PARVA: variants seen among roughly 807,000 people sequenced by gnomAD.
The protein encoded by PARVA is parvin alpha.
In PARVA, 25 loss-of-function variants were observed where a neutral mutation model predicts 52.6. The observed-to-expected ratio is 0.48, with a 90% CI of 0.35 to 0.66. The LOEUF is 0.66. Ranked by LOEUF, PARVA falls within the 30% of genes least tolerant of loss-of-function variation. The pLI is 0.01. For missense variants in PARVA, 373 were observed against 450.9 expected (o/e 0.83, Z 1.56); for synonymous variants, 185 against 179.1 (o/e 1.03, Z -0.26).
intron 4 of PARVA, among the ~76,000 whole-genome samples, chr11:12,482,825 T>G (rs931354273): frequency 6.6e-6 from 1 of 152,212 alleles, no homozygotes; most frequent in Non-Finnish European, 1.5e-5. Flanking sequence ...GATTCAGTTA[T>G]GTCCACCTGG....
chr11:12,377,619 G>A lies in PARVA; in HGVS notation c.-29G>A, dbSNP rs376147149. The stretch of plus-strand genomic sequence containing the variant: ...CCGCCCAGCGCCAGCTCCGCGTCCC[G>A]ACCGGCCCGCGGCAGCCTGCGCCGC... On this transcript the variant is annotated 5_prime_UTR_variant, in exon 1 of 13. Transcript: ENST00000334956. 2 of 1,559,286 alleles carry A rather than the reference G, an allele frequency of 1.3e-6. No homozygotes were observed. Among genetic ancestry groups the A allele is most frequent in the Non-Finnish European group, 1.7e-6 (2 of 1,159,024 alleles).
At chr11:12,449,138 A>G (rs1940588283) in intron 1 of PARVA, among the ~76,000 whole-genome samples, 2 of 151,724 alleles carry the variant, frequency 1.3e-5, no homozygotes, top group South Asian at 4.2e-4. Context: ...TTATTTATTT[A>G]TTTATTTATT....
chr11:12,518,432 T>C lies in PARVA; in HGVS notation c.970-13T>C, dbSNP rs1564869530. ...TGTGCAATGGTACATGCTGTCTGCA[T>C]CTCTCTTGCCAGGTCTTGAATGTCT... On this transcript the variant is annotated splice_polypyrimidine_tract_variant and intron_variant, in intron 11 of 12. Transcript: ENST00000334956. The C allele has an allele frequency of 6.2e-7, 1 of 1,610,942 alleles. No individual in the cohort carries two copies.
rs73413914 is a variant in PARVA, at chr11:12,517,764, T to G, written c.969+53T>G. Reference sequence around the variant, plus strand: ...CCCCTAGCCCACATCCCCTGACTCATGTGCCCACACCCATGCTGGGGCTAT... The same window carrying G: ...CCCCTAGCCCACATCCCCTGACTCAGGTGCCCACACCCATGCTGGGGCTAT... On this transcript the variant is annotated intron_variant, in intron 11 of 12. Transcript: ENST00000334956. 2,597 of 1,252,610 alleles carry G rather than the reference T, an allele frequency of 2.1e-3. 39 individuals carry two copies. In the African/African-American group the frequency reaches 0.033, roughly 16 times the overall value. The allele number at this position is 1,252,610 out of a possible 1,614,324, so 77.6% of individuals were successfully genotyped here.
chr11:12,490,823 C>T lies in PARVA; in HGVS notation c.401-5635C>T, dbSNP rs116254933. Among the ~76,000 whole-genome samples the T allele has an allele frequency of 7.4e-3, 1,121 of 152,170 alleles. 12 individuals are homozygous for T. The highest frequency in any genetic ancestry group is 0.026 in the African/African-American group (1,077 of 41,532). On this transcript the variant is annotated intron_variant, in intron 4 of 12. Coordinates refer to ENST00000334956, the MANE Select transcript of PARVA (RefSeq NM_018222.5). ...TCAGGAATTATGTAATTGGAGTCAACGCGTGCTGAGGTCTTTGTATTGTTT... is the reference window on the plus strand; with the variant it reads ...TCAGGAATTATGTAATTGGAGTCAATGCGTGCTGAGGTCTTTGTATTGTTT...
rs1939417385 is a variant in PARVA at position 12,377,723 on chromosome 11, G to A, written c.76G>A (p.Asp26Asn). ...CAAGTCGCCCCCGTCCCGCAAGAAA[G>A]ATGATTCCTTCTTGGGGAAACTCGG... The part of the protein sequence containing the change: ...TPKSPPSRKK[D>N]DSFLGKLGGT... Residue 26 changes from aspartate to asparagine, a missense_variant, in exon 1 of 13, where the codon GAT becomes AAT. Coordinates refer to ENST00000334956, the MANE Select transcript of PARVA (RefSeq NM_018222.5). 9 of 1,566,202 alleles carry A rather than the reference G, an allele frequency of 5.7e-6. No homozygotes were observed. Among genetic ancestry groups the A allele is most frequent in the Non-Finnish European group, 6.9e-6 (8 of 1,160,922 alleles).
intron 1 of PARVA, among the ~76,000 whole-genome samples, chr11:12,441,141 C>T (rs1940460548): frequency 6.6e-6 from 1 of 152,150 alleles, no homozygotes. Context: ...AGTAATGGCC[C>T]ATAATCCACA....
rs145586060 is a variant in PARVA, at chr11:12,451,699, G to A, written c.137-22046G>A. ...TCTTTTACATACTCTAATGCATTAG[G>A]CAGTAGGTATGATAAATTCATTTAC... is the stretch of plus-strand genomic sequence containing the variant. On this transcript the variant is annotated intron_variant, in intron 1 of 12. Coordinates refer to ENST00000334956, the MANE Select transcript of PARVA (RefSeq NM_018222.5). Among the ~76,000 whole-genome samples the A allele has an allele frequency of 2.9e-3, 439 of 152,204 alleles. 3 individuals are homozygous for A. The highest frequency in any genetic ancestry group is 0.014 in the Middle Eastern group (4 of 294).
intron 5 of PARVA, among the ~76,000 whole-genome samples, chr11:12,501,186 C>G (rs1476459264): frequency 6.7e-6 from 1 of 148,778 alleles, no homozygotes; most frequent in African/African-American, 2.4e-5. Flanking sequence ...ATGTTGGCCA[C>G]AAGCACATGT....
chr11:12,466,752 T>A (rs1352652429), intron 1 of PARVA, among the ~76,000 whole-genome samples: 1 of 152,194 alleles, frequency 6.6e-6, no homozygotes, highest in Non-Finnish European at 1.5e-5. Context: ...GTATTGTGTT[T>A]TAACTTAGGT....
intron 1 of PARVA, among the ~76,000 whole-genome samples, chr11:12,454,573 A>AT (rs1940670325): frequency 7.4e-6 from 1 of 135,494 alleles, no homozygotes; most frequent in African/African-American, 3.0e-5. Flanking sequence ...CTAAAGTATC[A>AT]TTTAAAAAAA....
chr11:12,518,702 A>C (rs1186051850), intron 12 of PARVA, among the ~76,000 whole-genome samples, 185 bp downstream of exon 12: 2 of 152,156 alleles, frequency 1.3e-5, no homozygotes, highest in African/African-American at 4.8e-5. Context: ...CCAGGGGAAG[A>C]AAAGAATCTG....
At chr11:12,483,592 C>T (rs532502962) in intron 4 of PARVA, among the ~76,000 whole-genome samples, 1 of 152,318 alleles carries the variant, frequency 6.6e-6, no homozygotes, top group South Asian at 2.1e-4. Context: ...AGGCTGTGCT[C>T]CTGTGGTGAC....
At position 12,529,927 on chromosome 11, in the gene PARVA, A is replaced by T. The variant is rs547996189; in HGVS notation, c.*2002A>T. The stretch of plus-strand genomic sequence containing the variant: ...TAGTGTAATATTTCTTTTGCTTTTA[A>T]AAAAATTCCTGGTAGCAAATCAAGA... On this transcript the variant is annotated 3_prime_UTR_variant, in exon 13 of 13. Coordinates refer to ENST00000334956, the MANE Select transcript of PARVA (RefSeq NM_018222.5). The T allele has an allele frequency of 2.6e-5, 4 of 151,986 alleles. No homozygotes were observed. The highest frequency in any genetic ancestry group is 9.7e-5 in the African/African-American group (4 of 41,254). 9.4% of individuals were successfully genotyped at this position (151,986 alleles called of 1,614,324 possible).
At chr11:12,449,090 C>T (rs1940586959) in intron 1 of PARVA, among the ~76,000 whole-genome samples, 1 of 151,982 alleles carries the variant, frequency 6.6e-6, no homozygotes, top group Non-Finnish European at 1.5e-5. Context: ...AAATTTCAAT[C>T]TCAATAAAAA....
At chr11:12,499,255 C>T (rs948370594) in intron 5 of PARVA, among the ~76,000 whole-genome samples, 2 of 152,260 alleles carry the variant, frequency 1.3e-5, no homozygotes, top group African/African-American at 4.8e-5. Context: ...GTCATAGTGG[C>T]TTGTTCCATA....
At chr11:12,415,123 G>A in intron 1 of PARVA, among the ~76,000 whole-genome samples, 1 of 152,260 alleles carries the variant, frequency 6.6e-6, no homozygotes, top group East Asian at 1.9e-4. Context: ...TATTGAGAAT[G>A]TCATGACTTA....
intron 1 of PARVA, among the ~76,000 whole-genome samples, chr11:12,457,461 A>G (rs980617311): frequency 6.6e-6 from 1 of 152,236 alleles, no homozygotes; most frequent in Non-Finnish European, 1.5e-5. Context: ...CTTCACAGTC[A>G]GTGTCCTGAA....
At chr11:12,468,023 G>A (rs1218488726) in intron 1 of PARVA, among the ~76,000 whole-genome samples, 1 of 152,100 alleles carries the variant, frequency 6.6e-6, no homozygotes, top group Non-Finnish European at 1.5e-5. Context: ...CACAAGATGT[G>A]CCTTTTGTAG....
Sources: gnomAD v4.1 joint callset for allele counts (sites outside exome capture counted in the v4.1 genomes callset) on GRCh38, gnomAD v4.1.1 for gene constraint, MANE v1.5 for transcripts, NCBI Gene and HGNC (gene_info 2026-07-23, HGNC 2026-07-21) for gene names.